PTPRT: variants seen among roughly 807,000 people sequenced by gnomAD.
PTPRT encodes the protein receptor-type tyrosine-protein phosphatase T.
A neutral mutation model predicts 176.8 loss-of-function variants in PTPRT; 56 were observed. That is an observed-to-expected ratio of 0.32 (90% CI 0.26 to 0.40). The LOEUF (loss-of-function observed/expected upper bound fraction) is 0.40, where lower values mean the gene tolerates loss of function less well. Ranked by LOEUF, PTPRT falls within the 10% of genes least tolerant of loss-of-function variation. The pLI is 1.00. For synonymous variants in PTPRT, 783 were observed against 739.0 expected (o/e 1.06, Z -0.96); for missense variants, 1,540 against 1,908.2 (o/e 0.81, Z 3.60).
At chr20:42,316,576 C>A (rs547706932) in intron 11 of PTPRT, among the ~76,000 whole-genome samples, 9 of 152,332 alleles carry the variant, frequency 5.9e-5, no homozygotes, top group African/African-American at 2.2e-4. Context: ...CAAACACTTT[C>A]ATAGGCCTTC....
intron 1 of PTPRT, among the ~76,000 whole-genome samples, chr20:43,097,080 T>C (rs1330698147): frequency 3.3e-5 from 5 of 152,206 alleles, no homozygotes; most frequent in South Asian, 4.1e-4. Context: ...AAGTTGCTGA[T>C]GAGCGTTGGC....
intron 6 of PTPRT, among the ~76,000 whole-genome samples, chr20:42,737,600 C>G (rs1215456480): frequency 1.3e-5 from 2 of 149,792 alleles, no homozygotes; most frequent in Non-Finnish European, 3.0e-5. Flanking sequence ...CCATTGCACT[C>G]CAGCCTGTGT....
intron 13 of PTPRT, among the ~76,000 whole-genome samples, chr20:42,260,079 A>G (rs2056721146): frequency 1.3e-5 from 2 of 152,226 alleles, no homozygotes; most frequent in Non-Finnish European, 2.9e-5. Context: ...GGGAGAGGAA[A>G]GTGCAAACTA....
intron 1 of PTPRT, among the ~76,000 whole-genome samples, chr20:43,091,199 C>T (rs943880078): frequency 1.3e-5 from 2 of 152,024 alleles, no homozygotes; most frequent in African/African-American, 4.8e-5. Context: ...CGCCACTGCA[C>T]TCCAGCCTGG....
chr20:42,431,381 A>G (rs1421607775), intron 9 of PTPRT, among the ~76,000 whole-genome samples: 1 of 152,184 alleles, frequency 6.6e-6, no homozygotes, highest in East Asian at 1.9e-4. Flanking sequence ...AAATAAAGGG[A>G]TGGATAAGAA....
chr20:42,658,054 G>A (rs557914144), intron 7 of PTPRT, among the ~76,000 whole-genome samples: 8 of 151,260 alleles, frequency 5.3e-5, no homozygotes, highest in Non-Finnish European at 8.8e-5. Context: ...TCACTGACTT[G>A]TACATATATC....
At chr20:42,759,527 A>T (rs1316024088) in intron 5 of PTPRT, among the ~76,000 whole-genome samples, 1 of 152,300 alleles carries the variant, frequency 6.6e-6, no homozygotes, top group Admixed American at 6.5e-5. Context: ...CAGAGATACA[A>T]ATGTTAGGAT....
chr20:42,996,922 G>A (rs1196265845), intron 1 of PTPRT, among the ~76,000 whole-genome samples: 1 of 152,178 alleles, frequency 6.6e-6, no homozygotes, highest in Non-Finnish European at 1.5e-5. Flanking sequence ...GCTCAAAAGA[G>A]TAGCTGGCAT....
At chr20:42,090,735 C>T (rs1984529440) in intron 27 of PTPRT, among the ~76,000 whole-genome samples, 1 of 152,104 alleles carries the variant, frequency 6.6e-6, no homozygotes, top group Non-Finnish European at 1.5e-5. Flanking sequence ...TCTTAAGGCT[C>T]AGGAAATGGG....
At chr20:42,220,974 G>T (rs2055873130) in intron 15 of PTPRT, among the ~76,000 whole-genome samples, 1 of 152,108 alleles carries the variant, frequency 6.6e-6, no homozygotes, top group Non-Finnish European at 1.5e-5. Context: ...TTAAAGAAAT[G>T]ATACAGTTGG....
chr20:42,983,547 C>A (rs1312516006), intron 1 of PTPRT, among the ~76,000 whole-genome samples: 1 of 152,186 alleles, frequency 6.6e-6, no homozygotes, highest in Non-Finnish European at 1.5e-5. Flanking sequence ...GGGACATCTC[C>A]AAGCTGGGCA....
chr20:42,876,538 C>T (rs963406966), intron 2 of PTPRT, among the ~76,000 whole-genome samples: 1 of 152,134 alleles, frequency 6.6e-6, no homozygotes, highest in Admixed American at 6.5e-5. Context: ...AGAACCCAGA[C>T]CAATCAGGAC....
intron 1 of PTPRT, among the ~76,000 whole-genome samples, chr20:43,025,384 C>G (rs1250461314): frequency 2.0e-5 from 3 of 152,206 alleles, no homozygotes; most frequent in Admixed American, 2.0e-4. Context: ...GCAGTCCATC[C>G]TTTTACACTG....
chr20:43,073,902 C>T (rs2011217325), intron 1 of PTPRT, among the ~76,000 whole-genome samples: 1 of 152,004 alleles, frequency 6.6e-6, no homozygotes, highest in Non-Finnish European at 1.5e-5. Context: ...AGGCATATGT[C>T]ACCAGGCCCA....
chr20:42,299,699 G>A (rs974149331), intron 12 of PTPRT, among the ~76,000 whole-genome samples: 1 of 128,134 alleles, frequency 7.8e-6, no homozygotes, highest in Middle Eastern at 5.7e-3. Flanking sequence ...CCAGGCTGGA[G>A]TGCAGTGGCG....
At chr20:43,008,634 T>C (rs1483267379) in intron 1 of PTPRT, among the ~76,000 whole-genome samples, 7 of 152,090 alleles carry the variant, frequency 4.6e-5, no homozygotes, top group Non-Finnish European at 8.8e-5. Context: ...GAGGTTGCAG[T>C]GAGCCGACAT....
chr20:42,296,602 T>A (rs2057391276), intron 12 of PTPRT, among the ~76,000 whole-genome samples: 1 of 152,052 alleles, frequency 6.6e-6, no homozygotes, highest in African/African-American at 2.4e-5. Context: ...AATTATGACA[T>A]AAAAATATAT....
At chr20:42,744,879 A>G (rs77114701) in intron 6 of PTPRT, among the ~76,000 whole-genome samples, 2,298 of 152,280 alleles carry the variant, frequency 0.015, 49 homozygotes, top group African/African-American at 0.053. Context: ...AACTGGAACT[A>G]TTATCACAGG....
In PTPRT at chr20:43,031,181, G is replaced by C. The variant is rs193274397; in HGVS notation, c.89-145249C>G. The stretch of plus-strand genomic sequence containing the variant: ...AGGAAAGAGGTGTAATCTTGGGCAA[G>C]GGACCTCCTTTCCACAGAAGGACGT... On this transcript the variant is annotated intron_variant, in intron 1 of 30. Coordinates refer to ENST00000373187, the MANE Select transcript of PTPRT (RefSeq NM_007050.6). Among the ~76,000 whole-genome samples, 14 of 152,302 alleles carry C rather than the reference G, an allele frequency of 9.2e-5. No individual in the cohort carries two copies. In the South Asian group the frequency reaches 2.9e-3, roughly 32 times the overall value.
Sources: allele counts gnomAD v4.1 joint callset (sites outside exome capture counted in the v4.1 genomes callset), GRCh38; gene constraint gnomAD v4.1.1; transcripts MANE v1.5; gene names NCBI Gene and HGNC (gene_info 2026-07-23, HGNC 2026-07-21).